The following DHRSX variants were observed in gnomAD, a reference collection of about 807,000 sequenced individuals.
The protein encoded by DHRSX is polyprenol dehydrogenase.
A neutral mutation model predicts 34.0 loss-of-function variants in DHRSX; 31 were observed. The observed-to-expected ratio is 0.91, with a 90% confidence interval of 0.69 to 1.23. The LOEUF (loss-of-function observed/expected upper bound fraction) is 1.23, where lower values mean the gene tolerates loss of function less well. DHRSX is among the 50% of genes most tolerant of loss of function. DHRSX has a pLI of 0.00. For synonymous variants in DHRSX, 201 were observed against 183.8 expected (o/e 1.09, Z -0.76); for missense variants, 414 against 428.1 (o/e 0.97, Z 0.29).
intron 3 of DHRSX, among the ~76,000 whole-genome samples, chrX:2,352,942 C>A (rs1209332548): frequency 6.6e-6 from 1 of 152,118 alleles, no homozygotes; most frequent in Non-Finnish European, 1.5e-5. Context: ...AAACCCAAGA[C>A]CAAGAGTCCA....
chrX:2,335,919 C>T (rs911659098), intron 3 of DHRSX, among the ~76,000 whole-genome samples: 2 of 152,124 alleles, frequency 1.3e-5, no homozygotes, highest in Non-Finnish European at 2.9e-5. Context: ...AGGCGACATC[C>T]ATGGAGGTAT....
In DHRSX at chrX:2,382,953, T is replaced by C. The variant is rs1469021493; in HGVS notation, c.286+25792A>G. On this transcript the variant is annotated intron_variant, in intron 3 of 6. Transcript: ENST00000334651. ...GACCATCATCACCATCATTATCATT[T>C]CTATCATCACCATCACCATCATCAC... is the stretch of plus-strand genomic sequence containing the variant. Among the ~76,000 whole-genome samples, 3 of 124,618 alleles carry C rather than the reference T, an allele frequency of 2.4e-5. No homozygotes were observed. The Admixed American group carries it at 2.5e-4, about 10-fold the overall frequency. 81.8% of individuals were successfully genotyped at this position (124,618 alleles called of 152,430 possible).
intron 1 of DHRSX, among the ~76,000 whole-genome samples, chrX:2,429,922 CAGAT>C (rs2043896342): frequency 6.6e-6 from 1 of 152,090 alleles, no homozygotes. Context: ...GGAAGGTAGT[CAGAT>C]AGAAAACTCA....
intron 3 of DHRSX, among the ~76,000 whole-genome samples, chrX:2,345,375 G>C (rs1052359129): frequency 6.6e-6 from 1 of 151,400 alleles, no homozygotes. Flanking sequence ...GGGTGCAGTG[G>C]CTCACACCTA....
At chrX:2,426,659 TTC>T (rs1430868528) in intron 1 of DHRSX, among the ~76,000 whole-genome samples, 1 of 148,024 alleles carries the variant, frequency 6.8e-6, no homozygotes, top group Non-Finnish European at 1.5e-5. Flanking sequence ...CACTCCTTCT[TTC>T]TTCTTTTCCT....
At chrX:2,246,626 A>C (rs2016288728) in intron 5 of DHRSX, among the ~76,000 whole-genome samples, 1 of 151,126 alleles carries the variant, frequency 6.6e-6, no homozygotes, top group African/African-American at 2.4e-5. Flanking sequence ...CTGTCAAAAA[A>C]AGAAAGAAAG....
chrX:2,479,955 C>T (rs777733001), intron 1 of DHRSX, among the ~76,000 whole-genome samples: 2 of 152,292 alleles, frequency 1.3e-5, no homozygotes, highest in South Asian at 4.1e-4. Flanking sequence ...AGTCCAGAAA[C>T]GGGCCTGCGA....
Position 2,500,949 on chromosome X carries a change from C to T in DHRSX, c.-24G>A, listed in dbSNP as rs1273240077. On this transcript the variant is annotated 5_prime_UTR_variant, in exon 1 of 7. Transcript: ENST00000334651. ...ATGGCTGCCCCGGCCGCGCCGCCGC[C>T]GCTTCCGCGCCGCCCGCGGGACTCT... 1.1e-5 allele frequency: 11 copies of T among 1,027,026 alleles called. No homozygotes were observed. Among genetic ancestry groups the T allele is most frequent in the Admixed American group, 5.7e-5 (1 of 17,610 alleles). 63.6% of individuals were successfully genotyped at this position (1,027,026 alleles called of 1,614,324 possible).
At chrX:2,260,032 C>T (rs757609292) in intron 5 of DHRSX, among the ~76,000 whole-genome samples, 4 of 150,232 alleles carry the variant, frequency 2.7e-5, no homozygotes, top group Non-Finnish European at 4.4e-5. Context: ...CCTCCAGAGG[C>T]TCTAGGGGAG....
chrX:2,470,333 A>G (rs1489506735), intron 1 of DHRSX, among the ~76,000 whole-genome samples: 1 of 151,498 alleles, frequency 6.6e-6, no homozygotes, highest in Admixed American at 6.6e-5. Context: ...AGGCTGAGGA[A>G]GGAGGATCAC....
At chrX:2,431,170 A>G (rs1005882816) in intron 1 of DHRSX, among the ~76,000 whole-genome samples, 75 of 151,972 alleles carry the variant, frequency 4.9e-4, no homozygotes, top group Admixed American at 1.6e-3. Context: ...CTAAAAATAC[A>G]AAAAATTAGC....
chrX:2,266,376 G>T (rs1157158004), intron 5 of DHRSX, among the ~76,000 whole-genome samples: 1 of 148,208 alleles, frequency 6.7e-6, no homozygotes, highest in Non-Finnish European at 1.5e-5. Context: ...GATGCAGGGA[G>T]CACTGTCCCC....
intron 4 of DHRSX, among the ~76,000 whole-genome samples, chrX:2,290,139 A>ATAGTT (rs1440273743): frequency 1.3e-5 from 2 of 152,224 alleles, no homozygotes; most frequent in Non-Finnish European, 2.9e-5. Context: ...CACTCTATGT[A>ATAGTT]TAGTTTTATA....
At chrX:2,275,555 T>C (rs2041617707) in intron 4 of DHRSX, among the ~76,000 whole-genome samples, 1 of 150,464 alleles carries the variant, frequency 6.6e-6, no homozygotes, top group African/African-American at 2.4e-5. Flanking sequence ...GAAATCTCAA[T>C]GGAATCATCC....
At chrX:2,480,897 G>A (rs2044758859) in intron 1 of DHRSX, among the ~76,000 whole-genome samples, 2 of 152,080 alleles carry the variant, frequency 1.3e-5, no homozygotes, top group South Asian at 4.1e-4. Context: ...ACCACACAGT[G>A]ATTATCATTA....
chrX:2,467,912 G>T (rs1437988356), intron 1 of DHRSX, among the ~76,000 whole-genome samples: 3 of 149,976 alleles, frequency 2.0e-5, no homozygotes, highest in African/African-American at 7.4e-5. Flanking sequence ...GCAGGGAGCT[G>T]AGATCACACC....
intron 2 of DHRSX, among the ~76,000 whole-genome samples, chrX:2,423,765 G>A (rs1182291255): frequency 1.3e-5 from 2 of 152,018 alleles, no homozygotes; most frequent in Non-Finnish European, 2.9e-5. Flanking sequence ...TCCATTGGCA[G>A]TAGTGGAATG....
intron 6 of DHRSX, among the ~76,000 whole-genome samples, chrX:2,222,685 G>A (rs1569475623): frequency 1.3e-5 from 2 of 152,206 alleles, no homozygotes; most frequent in Non-Finnish European, 2.9e-5. Flanking sequence ...CAAGATGAGT[G>A]TGGGCCACAT....
chrX:2,358,781 T>A (rs2042889666), intron 3 of DHRSX, among the ~76,000 whole-genome samples: 1 of 152,092 alleles, frequency 6.6e-6, no homozygotes, highest in African/African-American at 2.4e-5. Context: ...TGTGCTTTGC[T>A]TATGCATACC....
Sources: allele counts gnomAD v4.1 joint callset (sites outside exome capture counted in the v4.1 genomes callset), GRCh38; gene constraint gnomAD v4.1.1; transcripts MANE v1.5; gene names NCBI Gene and HGNC (gene_info 2026-07-23, HGNC 2026-07-21).